GRM1: variants seen among roughly 807,000 people sequenced by gnomAD.
GRM1 encodes glutamate metabotropic receptor 1.
Under a neutral mutation model 90.9 loss-of-function variants are expected in GRM1, and 33 were observed. The observed-to-expected ratio is 0.36, with a 90% CI of 0.28 to 0.49. The LOEUF is 0.49. Ranked by LOEUF, GRM1 falls within the 20% of genes least tolerant of loss-of-function variation. The pLI, the probability that GRM1 is intolerant of heterozygous loss-of-function variation, is 0.99. For synonymous variants in GRM1, 700 were observed against 613.2 expected (o/e 1.14, Z -2.09); for missense variants, 1,190 against 1,534.3 (o/e 0.78, Z 3.75).
intron 7 of GRM1, among the ~76,000 whole-genome samples, chr6:146,402,656 A>G (rs1583449119): frequency 6.6e-6 from 1 of 152,196 alleles, no homozygotes; most frequent in East Asian, 1.9e-4. Flanking sequence ...AACACAGAAC[A>G]GATGCTGTAA....
intron 2 of GRM1, among the ~76,000 whole-genome samples, chr6:146,199,130 G>C (rs1208244250): frequency 1.3e-5 from 2 of 152,174 alleles, no homozygotes; most frequent in Non-Finnish European, 2.9e-5. Flanking sequence ...TGTGATACTA[G>C]TGTCCCTCTC....
intron 2 of GRM1, among the ~76,000 whole-genome samples, chr6:146,170,397 G>T (rs889946860): frequency 2.0e-5 from 3 of 151,810 alleles, no homozygotes; most frequent in Admixed American, 1.3e-4. Context: ...CTTTTTATAT[G>T]TATGTTGGTA....
intron 3 of GRM1, among the ~76,000 whole-genome samples, chr6:146,329,152 A>G (rs1784502509): frequency 1.3e-5 from 2 of 152,178 alleles, no homozygotes; most frequent in Admixed American, 1.3e-4. Flanking sequence ...AAGATTGTGA[A>G]TGTAGGATAC....
At chr6:146,379,613 C>T (rs576581058) in intron 5 of GRM1, among the ~76,000 whole-genome samples, 34 of 152,172 alleles carry the variant, frequency 2.2e-4, no homozygotes, top group Admixed American at 8.5e-4. Context: ...GTCATGTTTT[C>T]CTGGATGGTG....
At chr6:146,134,307 A>C (rs567813076) in intron 1 of GRM1, among the ~76,000 whole-genome samples, 4 of 152,218 alleles carry the variant, frequency 2.6e-5, no homozygotes, top group Non-Finnish European at 5.9e-5. Context: ...GAGATAATGA[A>C]TGTAAAGGGC....
At chr6:146,067,892 A>T (rs980445385) in intron 1 of GRM1, among the ~76,000 whole-genome samples, 1 of 152,216 alleles carries the variant, frequency 6.6e-6, no homozygotes, top group South Asian at 2.1e-4. Context: ...AACTTTTAGA[A>T]TTCTCATAAT....
chr6:146,101,250 G>A (rs890220228), intron 1 of GRM1, among the ~76,000 whole-genome samples: 12 of 151,796 alleles, frequency 7.9e-5, no homozygotes, highest in East Asian at 1.9e-4. Context: ...GACTTTTACC[G>A]AGTCACCTGA....
At chr6:146,214,172 T>C (rs765289913) in intron 2 of GRM1, among the ~76,000 whole-genome samples, 4 of 152,156 alleles carry the variant, frequency 2.6e-5, no homozygotes, top group Non-Finnish European at 4.4e-5. Flanking sequence ...CTGGAAATAC[T>C]CTCATTCTAG....
chr6:146,404,122 A>T (rs1194866244), intron 7 of GRM1, among the ~76,000 whole-genome samples: 3 of 152,164 alleles, frequency 2.0e-5, no homozygotes, highest in African/African-American at 7.2e-5. Flanking sequence ...CACAATATAT[A>T]GCTTTAAAAG....
At chr6:146,263,090 G>C (rs1781759191) in intron 2 of GRM1, among the ~76,000 whole-genome samples, 1 of 151,908 alleles carries the variant, frequency 6.6e-6, no homozygotes, top group Admixed American at 6.6e-5. Flanking sequence ...TATTTCTTTT[G>C]ACTCAGTATT....
At chr6:146,116,950 A>C (rs1583024857) in intron 1 of GRM1, among the ~76,000 whole-genome samples, 2 of 151,822 alleles carry the variant, frequency 1.3e-5, no homozygotes, top group African/African-American at 4.8e-5. Flanking sequence ...TCCCATTTTT[A>C]TTTCCAATGT....
chr6:146,065,694 A>G (rs1238294083), intron 1 of GRM1, among the ~76,000 whole-genome samples: 1 of 152,224 alleles, frequency 6.6e-6, no homozygotes, highest in Non-Finnish European at 1.5e-5. Context: ...TCCACGTGGA[A>G]TGAGATTTTC....
At chr6:146,347,779 A>G (rs901170612) in intron 3 of GRM1, among the ~76,000 whole-genome samples, 5 of 152,320 alleles carry the variant, frequency 3.3e-5, no homozygotes, top group Admixed American at 6.5e-5. Flanking sequence ...GCACTTTACT[A>G]TATGTGATTT....
chr6:146,422,811 C>T (rs1409251334), intron 7 of GRM1, among the ~76,000 whole-genome samples: 1 of 151,966 alleles, frequency 6.6e-6, no homozygotes, highest in East Asian at 1.9e-4. Flanking sequence ...GCTGTTATAT[C>T]AAGGAAGACT....
intron 6 of GRM1, among the ~76,000 whole-genome samples, chr6:146,396,401 A>C (rs1375119704): frequency 6.6e-6 from 1 of 152,178 alleles, no homozygotes; most frequent in Non-Finnish European, 1.5e-5. Context: ...CACGGGAAGT[A>C]TTCTTGTAAA....
intron 1 of GRM1, among the ~76,000 whole-genome samples, chr6:146,096,351 C>G (rs1776873307): frequency 6.6e-6 from 1 of 152,094 alleles, no homozygotes; most frequent in African/African-American, 2.4e-5. Context: ...ACTTAATTTT[C>G]TGATGATCCA....
At chr6:146,061,714 A>C (rs144301401) in intron 1 of GRM1, among the ~76,000 whole-genome samples, 295 of 152,242 alleles carry the variant, frequency 1.9e-3, no homozygotes, top group African/African-American at 6.0e-3. Flanking sequence ...ACATGTGAAA[A>C]AAAGCTCATC....
At chr6:146,332,947 CTT>C (rs1784635371) in intron 3 of GRM1, among the ~76,000 whole-genome samples, 1 of 152,168 alleles carries the variant, frequency 6.6e-6, no homozygotes, top group African/African-American at 2.4e-5. Flanking sequence ...TGGATTGCCT[CTT>C]AACATGAGTA....
At chr6:146,042,732 A>G (rs1222204813) in intron 1 of GRM1, among the ~76,000 whole-genome samples, 1 of 152,006 alleles carries the variant, frequency 6.6e-6, no homozygotes, top group Non-Finnish European at 1.5e-5. Context: ...GTTAGTTCAT[A>G]CTATTTTGAC....
Sources: allele counts gnomAD v4.1 joint callset (sites outside exome capture counted in the v4.1 genomes callset), GRCh38; gene constraint gnomAD v4.1.1; transcripts MANE v1.5; gene names NCBI Gene and HGNC (gene_info 2026-07-23, HGNC 2026-07-21).